Variants in INSYN2B observed in about 807,000 individuals in gnomAD.
INSYN2B encodes the protein inhibitory synaptic factor family member 2B, also known as protein INSYN2B.
A neutral mutation model predicts 41.2 loss-of-function variants in INSYN2B; 16 were observed. That is an observed-to-expected ratio of 0.39 (90% CI 0.26 to 0.59). The LOEUF (loss-of-function observed/expected upper bound fraction) is 0.59, where lower values mean the gene tolerates loss of function less well. Ranked by LOEUF, INSYN2B falls within the 20% of genes least tolerant of loss-of-function variation. INSYN2B has a pLI of 0.57. For missense variants in INSYN2B, 608 were observed against 646.4 expected, an observed-to-expected ratio of 0.94 and a Z score of 0.64; for synonymous variants, 245 against 244.4, an observed-to-expected ratio of 1.00 and a Z score of -0.02.
At chr5:169,866,484 A>G (rs1483007977) in intron 3 of INSYN2B, among the ~76,000 whole-genome samples, 1 of 152,244 alleles carries the variant, frequency 6.6e-6, no homozygotes, top group Non-Finnish European at 1.5e-5. Flanking sequence ...TACAACACGC[A>G]GCATAGAGTA....
intron 1 of INSYN2B, among the ~76,000 whole-genome samples, chr5:169,903,847 C>G (rs2113592359): frequency 6.6e-6 from 1 of 152,036 alleles, no homozygotes; most frequent in African/African-American, 2.4e-5. Flanking sequence ...TGCCTGTAAT[C>G]CCAGCACTTT....
At chr5:169,892,769 A>T (rs1189806594) in intron 1 of INSYN2B, among the ~76,000 whole-genome samples, 1 of 152,220 alleles carries the variant, frequency 6.6e-6, no homozygotes, top group African/African-American at 2.4e-5. Context: ...AGCACAGAGG[A>T]CAGTAGAGTG....
At chr5:169,878,040 T>C (rs1403449575) in intron 3 of INSYN2B, among the ~76,000 whole-genome samples, 2 of 152,222 alleles carry the variant, frequency 1.3e-5, no homozygotes, top group African/African-American at 4.8e-5. Flanking sequence ...CTGGGAGTTA[T>C]GTCTAGAAAA....
chr5:169,939,173 G>A (rs1776126886), intron 1 of INSYN2B, among the ~76,000 whole-genome samples: 1 of 151,176 alleles, frequency 6.6e-6, no homozygotes, highest in Non-Finnish European at 1.5e-5. Context: ...CAAAGTGCTG[G>A]GATTACAGGC....
At chr5:169,934,315 A>C (rs1775888361) in intron 1 of INSYN2B, among the ~76,000 whole-genome samples, 1 of 152,182 alleles carries the variant, frequency 6.6e-6, no homozygotes, top group Admixed American at 6.5e-5. Flanking sequence ...GCTGATTTGC[A>C]TTCCCCTCCT....
rs1771216768 is a variant in INSYN2B at position 169,861,840 on chromosome 5, T to G, written c.*2433A>C. 6.6e-6 allele frequency among the ~76,000 whole-genome samples: 1 copy of G among 152,180 alleles called. No homozygotes were observed. The highest frequency in any genetic ancestry group is 1.5e-5 in the Non-Finnish European group (1 of 68,032). ...AGTTTCAGGTCAGTGGCCCAAGCAA[T>G]GCGGTGTTGTGCTTTGGTGTAGAAT... On this transcript the variant is annotated 3_prime_UTR_variant, in exon 4 of 4. Transcript: ENST00000377365.
chr5:169,927,094 T>C (rs1456334409), intron 1 of INSYN2B, among the ~76,000 whole-genome samples: 1 of 151,764 alleles, frequency 6.6e-6, no homozygotes, highest in Non-Finnish European at 1.5e-5. Flanking sequence ...ACATGAAGAG[T>C]GGGAAGAGCA....
intron 2 of INSYN2B, among the ~76,000 whole-genome samples, 160 bp downstream of exon 2, chr5:169,882,393 A>AAT (rs1003511977): frequency 1.3e-5 from 2 of 152,330 alleles, no homozygotes; most frequent in Middle Eastern, 3.4e-3. Context: ...ATGAAATTCC[A>AAT]TTAGAGAAAA....
rs1023937140 is a variant in INSYN2B, at chr5:169,950,531, T to C, written c.-919+29746A>G. Among the ~76,000 whole-genome samples the C allele has an allele frequency of 6.6e-5, 10 of 152,322 alleles. 1 individual carries two copies. Among genetic ancestry groups the C allele is most frequent in the Admixed American group, 6.5e-4 (10 of 15,306 alleles). On this transcript the variant is annotated intron_variant, in intron 1 of 3. Transcript: ENST00000377365. ...TGGGCCACACAACATGGCCCCTCTC[T>C]TGTAGCAAAGAAGTCATTCTCTGGG...
chr5:169,880,372 T>C (rs1214757693), intron 3 of INSYN2B, among the ~76,000 whole-genome samples: 1 of 152,202 alleles, frequency 6.6e-6, no homozygotes, highest in East Asian at 1.9e-4. Context: ...CCAGAGAGAA[T>C]GAGAAGTTTT....
intron 1 of INSYN2B, among the ~76,000 whole-genome samples, chr5:169,911,671 A>G (rs906072501): frequency 3.3e-5 from 5 of 152,226 alleles, no homozygotes; most frequent in Non-Finnish European, 5.9e-5. Context: ...AGGCCACAAT[A>G]TTAAAGTTTC....
At chr5:169,929,918 C>T (rs1581432980) in intron 1 of INSYN2B, among the ~76,000 whole-genome samples, 1 of 152,120 alleles carries the variant, frequency 6.6e-6, no homozygotes, top group South Asian at 2.1e-4. Context: ...TAAACATATG[C>T]ATATTAAACA....
At chr5:169,910,879 AG>A (rs1330893436) in intron 1 of INSYN2B, among the ~76,000 whole-genome samples, 1 of 152,300 alleles carries the variant, frequency 6.6e-6, no homozygotes, top group Admixed American at 6.5e-5. Context: ...TTTCTCCTGC[AG>A]GGGGTTGGTT....
intron 1 of INSYN2B, among the ~76,000 whole-genome samples, chr5:169,936,243 G>A (rs571076144): frequency 3.3e-5 from 5 of 152,168 alleles, no homozygotes; most frequent in African/African-American, 9.7e-5. Flanking sequence ...TAACACTTCC[G>A]TGCATGGTTC....
At chr5:169,915,406 A>G (rs1774819680) in intron 1 of INSYN2B, among the ~76,000 whole-genome samples, 1 of 152,142 alleles carries the variant, frequency 6.6e-6, no homozygotes, top group Non-Finnish European at 1.5e-5. Context: ...CACTGCTCCC[A>G]TTTTGCTGGT....
chr5:169,883,393 G>T lies in INSYN2B; in HGVS notation c.506C>A (p.Ala169Glu). 6.4e-7 allele frequency: 1 copy of T among 1,551,700 alleles called. No individual in the cohort carries two copies. Among genetic ancestry groups the T allele is most frequent in the Non-Finnish European group, 8.7e-7 (1 of 1,146,962 alleles). ...DGPRRVKVSH[A>E]FLPRVPKVQS... ...CACCTTGGGGACCCTTGGGAGGAATGCATGGGACACCTTGACCCTTCGAGG... is the reference window on the plus strand; with the variant it reads ...CACCTTGGGGACCCTTGGGAGGAATTCATGGGACACCTTGACCCTTCGAGG... The change falls in exon 2 of 4, where the codon GCA becomes GAA. Residue 169 changes from alanine (A) to glutamate (E), a missense_variant. Coordinates refer to ENST00000377365, the MANE Select transcript of INSYN2B (RefSeq NM_001129891.3).
At chr5:169,971,704 C>T (rs112898281) in intron 1 of INSYN2B, among the ~76,000 whole-genome samples, 2 of 152,314 alleles carry the variant, frequency 1.3e-5, no homozygotes, top group East Asian at 1.9e-4. Context: ...CTCAAGACCT[C>T]GTCAGCAGAG....
intron 1 of INSYN2B, among the ~76,000 whole-genome samples, chr5:169,919,670 T>G (rs1581416759): frequency 6.6e-6 from 1 of 152,326 alleles, no homozygotes; most frequent in East Asian, 1.9e-4. Flanking sequence ...CTTTGGTTTG[T>G]GTCATTGCCT....
At chr5:169,964,249 G>A (rs536561387) in intron 1 of INSYN2B, among the ~76,000 whole-genome samples, 61 of 152,232 alleles carry the variant, frequency 4.0e-4, no homozygotes, top group Middle Eastern at 6.8e-3. Flanking sequence ...TCTTAGCCTG[G>A]AGTTCAGGAC....
Sources: allele counts gnomAD v4.1 joint callset (sites outside exome capture counted in the v4.1 genomes callset), GRCh38; gene constraint gnomAD v4.1.1; transcripts MANE v1.5; gene names NCBI Gene and HGNC (gene_info 2026-07-23, HGNC 2026-07-21).